Variants in SLF2 observed in about 807,000 individuals in gnomAD.
SLF2 encodes SMC5-SMC6 complex localization factor protein 2.
Under a neutral mutation model 124.3 loss-of-function variants are expected in SLF2, and 68 were observed. The ratio of observed to expected loss-of-function variants is 0.55; its 90% confidence interval spans 0.45 to 0.67. SLF2 has a LOEUF of 0.67. SLF2 is among the 30% of genes least tolerant of loss of function. SLF2 has a pLI of 0.00. For missense variants in SLF2, 1,246 were observed against 1,373.7 expected, an observed-to-expected ratio of 0.91 and a Z score of 1.47; for synonymous variants, 480 against 478.8, an observed-to-expected ratio of 1.00 and a Z score of -0.03.
chr10:100,922,170 C>T (rs1480139047), intron 4 of SLF2, among the ~76,000 whole-genome samples: 5 of 152,134 alleles, frequency 3.3e-5, no homozygotes, highest in Admixed American at 1.3e-4. Context: ...TGTAGCCTCA[C>T]GGGGCTCAAG....
Position 100,944,148 on chromosome 10 carries a change from T to G in SLF2, c.2757+20T>G. On this transcript the variant is annotated intron_variant, in intron 12 of 19. Coordinates refer to ENST00000238961, the MANE Select transcript of SLF2 (RefSeq NM_018121.4). ...GTTAAGGTAGGAAAGAACTTTTATG[T>G]GTCTTCTGCTCAGAGCTAGAACCAT... 1 of 1,477,202 alleles carries G rather than the reference T, an allele frequency of 6.8e-7. No homozygotes were observed. The highest frequency in any genetic ancestry group is 9.4e-7 in the Non-Finnish European group (1 of 1,060,154). The allele number at this position is 1,477,202 out of a possible 1,614,324, so 91.5% of individuals were successfully genotyped here.
chr10:100,953,978 T>A (rs1428949315), intron 17 of SLF2, among the ~76,000 whole-genome samples: 1 of 151,044 alleles, frequency 6.6e-6, no homozygotes, highest in African/African-American at 2.4e-5. Flanking sequence ...AGCACTTGGC[T>A]GGGCGCAGTG....
intron 6 of SLF2, among the ~76,000 whole-genome samples, chr10:100,928,802 C>A (rs537261601): frequency 6.6e-6 from 1 of 152,130 alleles, no homozygotes; most frequent in Admixed American, 6.5e-5. Flanking sequence ...ATATAAAGCC[C>A]TTAGTGCAGT....
At chr10:100,957,330 A>ATTCTTTTTTTTTT (rs1850349713) in intron 18 of SLF2, among the ~76,000 whole-genome samples, 1 of 91,830 alleles carries the variant, frequency 1.1e-5, no homozygotes, top group Non-Finnish European at 1.9e-5. Context: ...GGAGTCTTCA[A>ATTCTTTTTTTTTT]TTTTTTTTTT....
In SLF2 at chr10:100,942,863, A is replaced by G. The variant is rs1850008670; in HGVS notation, c.2655-1163A>G. Among the ~76,000 whole-genome samples the G allele has an allele frequency of 3.3e-5, 5 of 152,306 alleles. No homozygotes were observed. The South Asian group carries it at 1.0e-3, about 32-fold the overall frequency. On this transcript the variant is annotated intron_variant, in intron 11 of 19. Transcript: ENST00000238961. The stretch of plus-strand genomic sequence containing the variant: ...AGGCTAGTCTTGATCTCCTGGGCTC[A>G]GGCTATCCGCCTGCCTCAGCCTATC...
chr10:100,963,615 A>T lies in SLF2; in HGVS notation c.*1703A>T, dbSNP rs1392622652. The stretch of plus-strand genomic sequence containing the variant: ...CGTTCTGTAATTTAATCCTTTGTAG[A>T]TACATTATTTGTGTGTAATTTTATA... On this transcript the variant is annotated 3_prime_UTR_variant, in exon 20 of 20. Coordinates refer to ENST00000238961, the MANE Select transcript of SLF2 (RefSeq NM_018121.4). 2.6e-5 allele frequency: 4 copies of T among 152,634 alleles called. No homozygotes were observed. Among genetic ancestry groups the T allele is most frequent in the Non-Finnish European group, 4.4e-5 (3 of 68,048 alleles). 9.5% of individuals were successfully genotyped at this position (152,634 alleles called of 1,614,324 possible).
chr10:100,941,266 A>C (rs764361371), intron 11 of SLF2, among the ~76,000 whole-genome samples: 5 of 152,228 alleles, frequency 3.3e-5, no homozygotes, highest in Non-Finnish European at 5.9e-5. Flanking sequence ...GCAGATTGTC[A>C]GAGTAAATAT....
intron 6 of SLF2, 147 bp downstream of exon 6, chr10:100,926,166 G>T (rs528554465): frequency 1.3e-6 from 2 of 1,554,380 alleles, no homozygotes; most frequent in Middle Eastern, 3.4e-4. Flanking sequence ...AGATATGTTG[G>T]CCGGACGCAG....
chr10:100,931,112 C>A, intron 9 of SLF2, 34 bp downstream of exon 9: 1 of 1,455,008 alleles, frequency 6.9e-7, no homozygotes, highest in Non-Finnish European at 9.5e-7. Context: ...ATAGTTGCCT[C>A]CTACTATATT....
chr10:100,955,252 TA>T (rs756117577), intron 17 of SLF2, among the ~76,000 whole-genome samples: 319 of 141,746 alleles, frequency 2.3e-3, no homozygotes, highest in Admixed American at 2.5e-3. Context: ...CCCTATCTCT[TA>T]AAAAAAAAAA....
At chr10:100,918,814 A>T (rs2133755005) in intron 4 of SLF2, among the ~76,000 whole-genome samples, 1 of 151,972 alleles carries the variant, frequency 6.6e-6, no homozygotes, top group East Asian at 1.9e-4. Context: ...TGTAGAGACG[A>T]GGTTTCGCCA....
chr10:100,934,948 A>AT (rs1849815055), intron 9 of SLF2, among the ~76,000 whole-genome samples: 1 of 152,118 alleles, frequency 6.6e-6, no homozygotes, highest in Admixed American at 6.6e-5. Context: ...ATTTAAATGT[A>AT]TTACAATCTA....
intron 9 of SLF2, among the ~76,000 whole-genome samples, chr10:100,935,859 C>CTTTTTT (rs556164456): frequency 1.0e-5 from 1 of 99,342 alleles, no homozygotes; most frequent in Admixed American, 1.2e-4. Flanking sequence ...TTTTTTTTTT[C>CTTTTTT]TTTTTTTTTT....
At chr10:100,931,583 C>T (rs1849737243) in intron 9 of SLF2, among the ~76,000 whole-genome samples, 1 of 151,978 alleles carries the variant, frequency 6.6e-6, no homozygotes, top group African/African-American at 2.4e-5. Context: ...AGAAAGTTAA[C>T]TCAATTGGTA....
At chr10:100,920,961 TAAATAA>T (rs1398168979) in intron 4 of SLF2, among the ~76,000 whole-genome samples, 2 of 152,002 alleles carry the variant, frequency 1.3e-5, no homozygotes, top group African/African-American at 4.8e-5. Flanking sequence ...AAAAAATAAA[TAAATAA>T]AAATAAAAAT....
chr10:100,913,159 G>A lies in SLF2; in HGVS notation c.49G>A (p.Ala17Thr). ...PARPGFPSSP[A>T]PGSSPPRCHL... ...TAGGCCAGGTTTCCCCTCATCCCCA[G>A]CCCCGGGGTCGTCGCCCCCGCGCTG... The change falls in exon 1 of 20, where the codon GCC becomes ACC. Residue 17 changes from alanine (A) to threonine (T), a missense_variant. Physicochemically the swap from Ala to Thr is moderately conservative, Grantham distance 58. Coordinates refer to ENST00000238961, the MANE Select transcript of SLF2 (RefSeq NM_018121.4). The A allele has an allele frequency of 6.2e-7, 1 of 1,613,540 alleles. No individual in the cohort carries two copies.
chr10:100,945,285 A>G (rs1037885007), intron 12 of SLF2, 45 bp from the exon 13 acceptor site: 1 of 1,458,226 alleles, frequency 6.9e-7, no homozygotes, highest in Non-Finnish European at 9.1e-7. Flanking sequence ...TAAAAGTAAA[A>G]TATACCTCCT....
chr10:100,939,730 G>GA (rs956009448), intron 11 of SLF2, among the ~76,000 whole-genome samples: 2 of 150,730 alleles, frequency 1.3e-5, no homozygotes, highest in African/African-American at 4.9e-5. Flanking sequence ...AAGTCAATAA[G>GA]AAAAAGATCA....
chr10:100,932,720 T>TGTGTGCGC (rs763852210), intron 9 of SLF2, among the ~76,000 whole-genome samples: 165 of 36,248 alleles, frequency 4.6e-3, no homozygotes, highest in Admixed American at 0.015. Flanking sequence ...TGTGTGTGTG[T>TGTGTGCGC]GCGCGCGCGC....
Sources: allele counts gnomAD v4.1 joint callset (sites outside exome capture counted in the v4.1 genomes callset), GRCh38; gene constraint gnomAD v4.1.1; transcripts MANE v1.5; gene names NCBI Gene and HGNC (gene_info 2026-07-23, HGNC 2026-07-21).